The following GNAO1 variants were observed in gnomAD, a reference collection of about 807,000 sequenced individuals.
GNAO1 encodes the protein G protein subunit alpha o1.
For synonymous variants in GNAO1, 164 were observed against 180.7 expected (o/e 0.91, Z 0.74); for missense variants, 166 against 478.7 (o/e 0.35, Z 6.10).
chr16:56,312,853 C>T (rs2037473836), intron 3 of GNAO1, among the ~76,000 whole-genome samples: 1 of 152,336 alleles, frequency 6.6e-6, no homozygotes, highest in South Asian at 2.1e-4. Context: ...CATGGGCTCA[C>T]CGAGTCAGAA....
Position 56,303,757 on chromosome 16 carries a change from G to T in GNAO1, c.304-24874G>T, listed in dbSNP as rs1280615723. 3.9e-5 allele frequency among the ~76,000 whole-genome samples: 6 copies of T among 152,276 alleles called. No individual in the cohort carries two copies. In the East Asian group the frequency reaches 1.2e-3, roughly 29 times the overall value. On this transcript the variant is annotated intron_variant, in intron 3 of 8. Transcript: ENST00000262493. Reference sequence around the variant, plus strand: ...CCAGCTCTTGTCCCCGGCAGTCACTGTATTTCATTCATGGCACTGAATCTG... The same window carrying T: ...CCAGCTCTTGTCCCCGGCAGTCACTTTATTTCATTCATGGCACTGAATCTG...
At chr16:56,251,298 C>A (rs1046733049) in intron 2 of GNAO1, among the ~76,000 whole-genome samples, 7 of 152,190 alleles carry the variant, frequency 4.6e-5, no homozygotes, top group Admixed American at 3.9e-4. Flanking sequence ...GTGAAGTTGC[C>A]CATTACACTG....
intron 2 of GNAO1, among the ~76,000 whole-genome samples, chr16:56,248,600 G>A (rs558153048): frequency 4.6e-5 from 7 of 152,308 alleles, no homozygotes; most frequent in Non-Finnish European, 8.8e-5. Context: ...AAACAGGGAG[G>A]GACTTAGAGG....
At chr16:56,261,949 T>C (rs1214698861) in intron 2 of GNAO1, among the ~76,000 whole-genome samples, 2 of 152,186 alleles carry the variant, frequency 1.3e-5, no homozygotes, top group African/African-American at 4.8e-5. Context: ...CTGAAACGTG[T>C]TGTCTCATGT....
intron 2 of GNAO1, among the ~76,000 whole-genome samples, chr16:56,256,961 T>G (rs1371880450): frequency 6.6e-6 from 1 of 152,144 alleles, no homozygotes; most frequent in Non-Finnish European, 1.5e-5. Flanking sequence ...TGTTTGAGAA[T>G]GTTGAATCCC....
chr16:56,279,135 G>A (rs547569552), intron 3 of GNAO1, among the ~76,000 whole-genome samples: 1 of 152,128 alleles, frequency 6.6e-6, no homozygotes, highest in African/African-American at 2.4e-5. Context: ...ACCTGCCGGG[G>A]CCAGCCAGCC....
chr16:56,211,313 A>C (rs900403546), intron 2 of GNAO1, among the ~76,000 whole-genome samples: 9 of 152,226 alleles, frequency 5.9e-5, no homozygotes, highest in African/African-American at 2.2e-4. Context: ...CATCACTGAA[A>C]GAACAGTCTA....
chr16:56,344,218 G>A, intron 6 of GNAO1: 1 of 1,387,968 alleles, frequency 7.2e-7, no homozygotes, highest in Non-Finnish European at 9.3e-7. Context: ...CTGAGTGCTT[G>A]ATCGGGAAGC....
intron 6 of GNAO1, chr16:56,346,791 C>T: frequency 1.0e-6 from 1 of 985,490 alleles, no homozygotes; most frequent in Non-Finnish European, 1.2e-6. Flanking sequence ...ATGGTCTGCA[C>T]TGGTCTTCTC....
chr16:56,247,185 C>T (rs116690985), intron 2 of GNAO1, among the ~76,000 whole-genome samples: 6,710 of 152,274 alleles, frequency 0.044, 329 homozygotes, highest in African/African-American at 0.11. Flanking sequence ...CATGGGCTGG[C>T]GCCGGCCATC....
intron 2 of GNAO1, chr16:56,270,878 T>C (rs1356499591): frequency 6.6e-6 from 1 of 152,184 alleles, no homozygotes; most frequent in East Asian, 1.9e-4. Flanking sequence ...GGGACTTGAT[T>C]CTGCACTCAA....
chr16:56,193,603 G>A (rs117503804), intron 2 of GNAO1: 493 of 158,710 alleles, frequency 3.1e-3, no homozygotes, highest in Non-Finnish European at 5.6e-3. Context: ...AAAACAAAAT[G>A]GGATATTCCT....
chr16:56,289,627 G>A (rs1367759612), intron 3 of GNAO1, among the ~76,000 whole-genome samples: 1 of 152,226 alleles, frequency 6.6e-6, no homozygotes, highest in Non-Finnish European at 1.5e-5. Context: ...AGGAAGGATG[G>A]ATTTCAGTAG....
chr16:56,321,764 C>T (rs1424706060), intron 3 of GNAO1, among the ~76,000 whole-genome samples: 12 of 152,182 alleles, frequency 7.9e-5, no homozygotes, highest in Non-Finnish European at 1.8e-4. Flanking sequence ...CCTTCACTGC[C>T]ACCTGGTAGC....
intron 2 of GNAO1, among the ~76,000 whole-genome samples, chr16:56,247,428 T>G (rs1375228211): frequency 3.9e-5 from 6 of 152,154 alleles, no homozygotes; most frequent in African/African-American, 1.4e-4. Flanking sequence ...CATAGGTGGT[T>G]TTGCTTTTCT....
At chr16:56,335,210 G>A (rs1427883065) in intron 5 of GNAO1, among the ~76,000 whole-genome samples, 1 of 152,202 alleles carries the variant, frequency 6.6e-6, no homozygotes, top group Non-Finnish European at 1.5e-5. Context: ...CAAGAGTGGG[G>A]CTGGGTAAGC....
intron 2 of GNAO1, 192 bp downstream of exon 2, chr16:56,192,808 A>T (rs536679023): frequency 1.7e-6 from 1 of 579,836 alleles, no homozygotes; most frequent in African/African-American, 1.9e-5. Flanking sequence ...CCTCCACCCT[A>T]ACTCCTGGGT....
intron 3 of GNAO1, among the ~76,000 whole-genome samples, chr16:56,286,002 G>T (rs918275692): frequency 1.3e-5 from 2 of 152,224 alleles, no homozygotes; most frequent in Admixed American, 1.3e-4. Context: ...GCTGAAGGAA[G>T]AGGCGCCAGG....
chr16:56,209,876 T>A (rs2036370012), intron 2 of GNAO1, among the ~76,000 whole-genome samples: 1 of 152,114 alleles, frequency 6.6e-6, no homozygotes, highest in Non-Finnish European at 1.5e-5. Context: ...TTCCAGTTGA[T>A]GAACCTATAC....
Sources: allele counts gnomAD v4.1 joint callset (sites outside exome capture counted in the v4.1 genomes callset), GRCh38; gene constraint gnomAD v4.1.1; transcripts MANE v1.5; gene names NCBI Gene and HGNC (gene_info 2026-07-23, HGNC 2026-07-21).